ZNF532: variants seen among roughly 807,000 people sequenced by gnomAD.
ZNF532 encodes the protein zinc finger protein 532.
Under a neutral mutation model 89.3 loss-of-function variants are expected in ZNF532, and 22 were observed. The ratio of observed to expected loss-of-function variants is 0.25; its 90% confidence interval spans 0.18 to 0.35. The LOEUF (loss-of-function observed/expected upper bound fraction) is 0.35, where lower values mean the gene tolerates loss of function less well. Ranked by LOEUF, ZNF532 falls within the 10% of genes least tolerant of loss-of-function variation. The pLI is 1.00. For missense variants in ZNF532, 1,132 were observed against 1,643.4 expected (o/e 0.69, Z 5.38); for synonymous variants, 606 against 649.6 (o/e 0.93, Z 1.02).
intron 2 of ZNF532, among the ~76,000 whole-genome samples, chr18:58,868,012 T>C (rs2056634711): frequency 6.6e-6 from 1 of 152,228 alleles, no homozygotes; most frequent in African/African-American, 2.4e-5. Context: ...ATTTTAGGGT[T>C]TGTGTTCTCC....
Position 58,905,547 on chromosome 18 carries a change from G to C in ZNF532, c.-17-12724G>C, listed in dbSNP as rs998804359. ...CTGGAGTAGCTGGGACTATAGGTGT[G>C]CTCCACCACGCCCATCTAAATTTTG... On this transcript the variant is annotated intron_variant, in intron 2 of 9. Transcript: ENST00000591808. Among the ~76,000 whole-genome samples the C allele has an allele frequency of 8.5e-5, 13 of 152,096 alleles. No individual in the cohort carries two copies. In the South Asian group the frequency reaches 2.1e-3, roughly 24 times the overall value.
At chr18:58,876,707 G>T (rs4940431) in intron 2 of ZNF532, among the ~76,000 whole-genome samples, 30,403 of 152,134 alleles carry the variant, frequency 0.2, 5,299 homozygotes, top group East Asian at 0.56. Flanking sequence ...CCAGGAGATG[G>T]GGCAAAGGTG....
chr18:58,983,159 T>G (rs2068021623), intron 9 of ZNF532, among the ~76,000 whole-genome samples: 1 of 151,988 alleles, frequency 6.6e-6, no homozygotes, highest in Non-Finnish European at 1.5e-5. Flanking sequence ...CATGGCCACG[T>G]GTGAAGGTGC....
At position 58,955,815 on chromosome 18, in the gene ZNF532, G is replaced by A. The variant is rs555055105; in HGVS notation, c.3150+2016G>A. 5.9e-5 allele frequency among the ~76,000 whole-genome samples: 9 copies of A among 152,326 alleles called. No individual in the cohort carries two copies. In the South Asian group the frequency reaches 1.9e-3, roughly 32 times the overall value. ...CAGGCTTTCCTACTAGCATTGTACA[G>A]TGTTCATTGTAAATACTGGGTAGTT... On this transcript the variant is annotated intron_variant, in intron 7 of 9. Coordinates refer to ENST00000591808, the MANE Select transcript of ZNF532 (RefSeq NM_001375912.1).
At chr18:58,877,953 AG>A (rs1219803893) in intron 2 of ZNF532, among the ~76,000 whole-genome samples, 1 of 151,942 alleles carries the variant, frequency 6.6e-6, no homozygotes, top group Non-Finnish European at 1.5e-5. Context: ...TAAGTTAAAG[AG>A]TCAGAGACTG....
At chr18:58,871,700 TGCA>T (rs1453894741) in intron 2 of ZNF532, among the ~76,000 whole-genome samples, 2 of 152,236 alleles carry the variant, frequency 1.3e-5, no homozygotes, top group Non-Finnish European at 2.9e-5. Context: ...CGTGAGAATA[TGCA>T]GTGGAGAAGT....
At chr18:58,892,840 T>A (rs1260878935) in intron 2 of ZNF532, among the ~76,000 whole-genome samples, 2 of 152,226 alleles carry the variant, frequency 1.3e-5, no homozygotes, top group African/African-American at 2.4e-5. Context: ...AGTTTTCTGC[T>A]GCTGGTGGGT....
chr18:58,903,477 A>G (rs912282543), intron 2 of ZNF532, among the ~76,000 whole-genome samples: 2 of 151,976 alleles, frequency 1.3e-5, no homozygotes, highest in African/African-American at 4.8e-5. Context: ...ATTCTGAACA[A>G]GAGGCTGGAG....
At chr18:58,910,528 G>A (rs973216331) in intron 2 of ZNF532, among the ~76,000 whole-genome samples, 6 of 151,898 alleles carry the variant, frequency 4.0e-5, no homozygotes, top group Non-Finnish European at 7.4e-5. Flanking sequence ...GTACAGTGGC[G>A]TGATCTCAGC....
chr18:58,935,128 A>T (rs1366852211), intron 4 of ZNF532, among the ~76,000 whole-genome samples: 8 of 1,220 alleles, frequency 6.6e-3, no homozygotes, highest in Non-Finnish European at 9.2e-3. Flanking sequence ...CCTCCTCCCC[A>T]CTCCTCCTCC....
chr18:58,965,670 GT>G (rs1207469299), intron 7 of ZNF532, among the ~76,000 whole-genome samples: 1 of 152,200 alleles, frequency 6.6e-6, no homozygotes, highest in African/African-American at 2.4e-5. Context: ...GAATGTCCTG[GT>G]TTTATATTCC....
intron 7 of ZNF532, among the ~76,000 whole-genome samples, chr18:58,959,900 A>G (rs1287708700): frequency 6.6e-6 from 1 of 152,162 alleles, no homozygotes; most frequent in African/African-American, 2.4e-5. Context: ...TTCTGCATAC[A>G]GAGACGTTAT....
At chr18:58,942,073 A>G (rs1181987014) in intron 5 of ZNF532, among the ~76,000 whole-genome samples, 10 of 137,968 alleles carry the variant, frequency 7.2e-5, no homozygotes, top group South Asian at 4.8e-4. Flanking sequence ...CCCAGGCTGG[A>G]GTGCAGTGGC....
chr18:58,889,741 C>G (rs2058747616), intron 2 of ZNF532, among the ~76,000 whole-genome samples: 1 of 151,774 alleles, frequency 6.6e-6, no homozygotes, highest in Non-Finnish European at 1.5e-5. Flanking sequence ...CCACTGCACT[C>G]CAGCCTGGGT....
intron 7 of ZNF532, among the ~76,000 whole-genome samples, chr18:58,969,353 A>T (rs1189540421): frequency 6.6e-6 from 1 of 152,210 alleles, no homozygotes; most frequent in African/African-American, 2.4e-5. Context: ...TCAGGGAGGA[A>T]GATGGGCTCC....
intron 2 of ZNF532, among the ~76,000 whole-genome samples, chr18:58,893,446 C>G (rs2059038526): frequency 6.6e-6 from 1 of 151,914 alleles, no homozygotes; most frequent in Non-Finnish European, 1.5e-5. Flanking sequence ...ATGGGTGGAT[C>G]GCTTGCCCAG....
intron 2 of ZNF532, among the ~76,000 whole-genome samples, chr18:58,878,565 A>G (rs957866668): frequency 2.0e-5 from 3 of 152,228 alleles, no homozygotes; most frequent in Admixed American, 2.0e-4. Context: ...TGCAGCCTGA[A>G]GTGGAGCCAA....
intron 3 of ZNF532, among the ~76,000 whole-genome samples, chr18:58,924,995 AT>A (rs1204164624): frequency 2.6e-5 from 4 of 152,206 alleles, no homozygotes; most frequent in Non-Finnish European, 5.9e-5. Flanking sequence ...TGGTTATACT[AT>A]AGTTCATTTA....
intron 2 of ZNF532, among the ~76,000 whole-genome samples, chr18:58,909,242 C>G (rs778075219): frequency 6.6e-6 from 1 of 152,144 alleles, no homozygotes; most frequent in African/African-American, 2.4e-5. Flanking sequence ...CGTGAGCCAC[C>G]GCGCCCAGCC....
Sources: allele counts gnomAD v4.1 joint callset (sites outside exome capture counted in the v4.1 genomes callset), GRCh38; gene constraint gnomAD v4.1.1; transcripts MANE v1.5; gene names NCBI Gene and HGNC (gene_info 2026-07-23, HGNC 2026-07-21).